SPOCK3: variants seen among roughly 807,000 people sequenced by gnomAD.
The protein encoded by SPOCK3 is SPARC (osteonectin), cwcv and kazal like domains proteoglycan 3.
In SPOCK3, 30 loss-of-function variants were observed where a neutral mutation model predicts 56.6. The observed-to-expected ratio is 0.53, with a 90% CI of 0.40 to 0.72. The LOEUF (loss-of-function observed/expected upper bound fraction) is 0.72, where lower values mean the gene tolerates loss of function less well. Among genes scored for constraint, SPOCK3 ranks in the 30% least tolerant of loss-of-function variants. The probability of loss-of-function intolerance (pLI) is 0.00; values close to 1 mark genes in which losing one functional copy is unlikely to be tolerated. For missense variants in SPOCK3, 527 were observed against 530.0 expected (o/e 0.99, Z 0.06); for synonymous variants, 196 against 183.3 (o/e 1.07, Z -0.56).
intron 3 of SPOCK3, among the ~76,000 whole-genome samples, chr4:167,007,801 G>C (rs756733687): frequency 2.6e-5 from 4 of 152,156 alleles, no homozygotes. Context: ...TGATGCTTTT[G>C]TCAACAGCTT....
chr4:166,794,862 C>T (rs1378532165), intron 6 of SPOCK3, among the ~76,000 whole-genome samples: 6 of 152,006 alleles, frequency 3.9e-5, no homozygotes, highest in African/African-American at 9.6e-5. Flanking sequence ...AGGCTTGTCT[C>T]GAACTCCTGA....
intron 6 of SPOCK3, among the ~76,000 whole-genome samples, chr4:166,867,191 A>G (rs6553015): frequency 0.52 from 78,986 of 151,818 alleles, 21,047 homozygotes; most frequent in South Asian, 0.68. Flanking sequence ...AACACAGTCT[A>G]CAGTCTTATT....
At chr4:166,798,179 TCTA>T (rs1209970780) in intron 6 of SPOCK3, among the ~76,000 whole-genome samples, 1 of 152,236 alleles carries the variant, frequency 6.6e-6, no homozygotes, top group Non-Finnish European at 1.5e-5. Context: ...TTTATTATAC[TCTA>T]CTTTTTATCA....
At chr4:167,150,975 T>C (rs987147348) in intron 2 of SPOCK3, among the ~76,000 whole-genome samples, 1 of 152,200 alleles carries the variant, frequency 6.6e-6, no homozygotes, top group Non-Finnish European at 1.5e-5. Context: ...GAGCATTGAT[T>C]GCCTTATTTA....
intron 2 of SPOCK3, among the ~76,000 whole-genome samples, chr4:167,143,398 G>C (rs926972912): frequency 5.3e-5 from 8 of 151,890 alleles, no homozygotes; most frequent in African/African-American, 1.9e-4. Flanking sequence ...CTCCAAGTGT[G>C]ATAATATTTT....
intron 2 of SPOCK3, among the ~76,000 whole-genome samples, chr4:167,110,145 T>C (rs1177694083): frequency 6.6e-6 from 1 of 152,048 alleles, no homozygotes; most frequent in African/African-American, 2.4e-5. Context: ...AGCTTTGACA[T>C]CGTTTGTGAT....
At chr4:166,804,387 T>C (rs1192281652) in intron 6 of SPOCK3, among the ~76,000 whole-genome samples, 1 of 152,084 alleles carries the variant, frequency 6.6e-6, no homozygotes, top group Non-Finnish European at 1.5e-5. Flanking sequence ...TCATATTACC[T>C]TATTTACCTC....
At chr4:166,879,298 G>A (rs1200146138) in intron 6 of SPOCK3, among the ~76,000 whole-genome samples, 2 of 152,076 alleles carry the variant, frequency 1.3e-5, no homozygotes, top group African/African-American at 4.8e-5. Context: ...GGAGCCTGAG[G>A]TAAGAGGATC....
At chr4:167,102,712 G>A (rs887300913) in intron 2 of SPOCK3, among the ~76,000 whole-genome samples, 2 of 152,010 alleles carry the variant, frequency 1.3e-5, no homozygotes, top group South Asian at 2.1e-4. Flanking sequence ...CTCCTAGCTA[G>A]AGGAGAATTA....
chr4:166,775,915 A>T (rs995700525), intron 7 of SPOCK3, among the ~76,000 whole-genome samples: 13 of 150,060 alleles, frequency 8.7e-5, no homozygotes, highest in African/African-American at 3.3e-4. Flanking sequence ...CATTCAAACA[A>T]CAACAAACCC....
chr4:167,073,572 C>T (rs1380708620), intron 2 of SPOCK3, among the ~76,000 whole-genome samples: 1 of 151,754 alleles, frequency 6.6e-6, no homozygotes, highest in Admixed American at 6.6e-5. Context: ...TATAACTGAA[C>T]TTTAATTATT....
rs879886560 is a variant in SPOCK3 at position 167,078,327 on chromosome 4, T to C, written c.190-15790A>G. Among the ~76,000 whole-genome samples the C allele has an allele frequency of 6.3e-3, 832 of 132,410 alleles. 9 individuals carry two copies. Among genetic ancestry groups the C allele is most frequent in the Middle Eastern group, 0.019 (5 of 264 alleles). 86.9% of individuals were successfully genotyped at this position (132,410 alleles called of 152,430 possible). ...ATAACTCTGTGTGTGTGTGTGTGTG[T>C]GTGTGTGTGTGTGTGTGTGTGTGTG... On this transcript the variant is annotated intron_variant, in intron 2 of 10. Coordinates refer to ENST00000357545, the MANE Select transcript of SPOCK3 (RefSeq NM_001040159.2).
chr4:166,734,795 ATAAT>A lies in SPOCK3; in HGVS notation c.*122_*125del, dbSNP rs1734051557. The A allele has an allele frequency of 1.2e-6, 1 of 829,932 alleles. No homozygotes were observed. The highest frequency in any genetic ancestry group is 1.8e-5 in the African/African-American group (1 of 56,800). The allele number at this position is 829,932 out of a possible 1,614,324, so 51.4% of individuals were successfully genotyped here. A position where few individuals can be genotyped will look rare whatever the true frequency, so the allele number is the denominator to read the frequency against. ...TATAACTTTAGCTGCAATTTTTCAAATAATTATACAAAATATATGTGAGGTTTAG... is the reference window on the plus strand; with the variant it reads ...TATAACTTTAGCTGCAATTTTTCAAATATACAAAATATATGTGAGGTTTAG... On this transcript the variant is annotated 3_prime_UTR_variant, in exon 11 of 11. Coordinates refer to ENST00000357545, the MANE Select transcript of SPOCK3 (RefSeq NM_001040159.2).
chr4:167,230,920 C>A (rs1381610857), intron 2 of SPOCK3, among the ~76,000 whole-genome samples: 1 of 152,048 alleles, frequency 6.6e-6, no homozygotes. Context: ...GTGTTAACAC[C>A]TACTCATTGC....
At chr4:166,954,886 T>A (rs945613220) in intron 4 of SPOCK3, among the ~76,000 whole-genome samples, 1 of 152,182 alleles carries the variant, frequency 6.6e-6, no homozygotes, top group Non-Finnish European at 1.5e-5. Flanking sequence ...TTCCTGAATA[T>A]CCCATGTCAA....
rs565678717 is a variant in SPOCK3 at position 166,865,278 on chromosome 4, A to G, written c.589+23852T>C. Among the ~76,000 whole-genome samples the G allele has an allele frequency of 5.9e-5, 9 of 152,308 alleles. No homozygotes were observed. In the South Asian group the frequency reaches 6.2e-4, roughly 11 times the overall value. ...AATAAACCAGGTATTGATGGAACATATTTCAAAATAATAAGAGCTATTTAT... is the reference window on the plus strand; with the variant it reads ...AATAAACCAGGTATTGATGGAACATGTTTCAAAATAATAAGAGCTATTTAT... On this transcript the variant is annotated intron_variant, in intron 6 of 10. Transcript: ENST00000357545.
At chr4:167,029,613 C>T (rs1412671852) in intron 3 of SPOCK3, among the ~76,000 whole-genome samples, 2 of 151,964 alleles carry the variant, frequency 1.3e-5, no homozygotes, top group Admixed American at 1.3e-4. Context: ...AATTTTCCTC[C>T]CATATCTATT....
intron 6 of SPOCK3, among the ~76,000 whole-genome samples, chr4:166,859,652 A>G (rs1234678324): frequency 6.6e-6 from 1 of 152,130 alleles, no homozygotes; most frequent in African/African-American, 2.4e-5. Flanking sequence ...CTGGAATAAA[A>G]TTATTATTAT....
chr4:166,980,820 G>A (rs1203915135), intron 4 of SPOCK3, among the ~76,000 whole-genome samples: 1 of 152,210 alleles, frequency 6.6e-6, no homozygotes, highest in Non-Finnish European at 1.5e-5. Context: ...AAGCTCCAAA[G>A]AGGGTATCAC....
Sources: allele counts gnomAD v4.1 joint callset (sites outside exome capture counted in the v4.1 genomes callset), GRCh38; gene constraint gnomAD v4.1.1; transcripts MANE v1.5; gene names NCBI Gene and HGNC (gene_info 2026-07-23, HGNC 2026-07-21).